AKT2: variants seen among roughly 807,000 people sequenced by gnomAD.
AKT2 encodes RAC-beta serine/threonine-protein kinase.
Under a neutral mutation model 58.6 loss-of-function variants are expected in AKT2, and 16 were observed. The ratio of observed to expected loss-of-function variants is 0.27; its 90% CI spans 0.18 to 0.41. The LOEUF (loss-of-function observed/expected upper bound fraction) is 0.41. Among genes scored for constraint, AKT2 ranks in the 10% least tolerant of loss-of-function variants. The pLI is 1.00. For synonymous variants in AKT2, 253 were observed against 254.0 expected, an observed-to-expected ratio of 1.00 and a Z score of 0.04; for missense variants, 438 against 661.0, an observed-to-expected ratio of 0.66 and a Z score of 3.70.
Position 40,235,332 on chromosome 19 carries a change from G to A in AKT2, c.1194C>T (p.Ser398=), listed in dbSNP as rs761556498. Residue 398 remains serine, a synonymous_variant, in exon 12 of 14, where the codon AGC becomes AGT. Coordinates refer to ENST00000392038, the MANE Select transcript of AKT2 (RefSeq NM_001626.6). The surrounding 1 kb of genome is among the most constrained non-coding windows in gnomAD (Gnocchi z 6.3). ...DPKQRLGGGP[S]DAKEVMEHRF... ...TGTGCTCCATGACCTCCTTGGCATCGCTGGGCCCCCCACCAAGCCTGTGCA... is the reference window on the plus strand; with the variant it reads ...TGTGCTCCATGACCTCCTTGGCATCACTGGGCCCCCCACCAAGCCTGTGCA... 1.4e-5 allele frequency: 23 copies of A among 1,613,710 alleles called. No homozygotes were observed. Among genetic ancestry groups the A allele is most frequent in the South Asian group, 3.3e-5 (3 of 91,072 alleles).
In AKT2 at chr19:40,242,162, A is replaced by C; in HGVS notation, c.442-93T>G. On this transcript the variant is annotated intron_variant, in intron 5 of 13. Transcript: ENST00000392038. This position sits in a 1 kb window ranked among gnomAD's most constrained non-coding sequence, Gnocchi z 4.3. ...AAAAGAAAGAGGAAAACCAAAAGAC[A>C]CTGTTGCCAAACGGCTTAGGCTGGA... The C allele has an allele frequency of 6.4e-7, 1 of 1,558,932 alleles. No individual in the cohort carries two copies. The highest frequency in any genetic ancestry group is 1.1e-5 in the South Asian group (1 of 89,128).
chr19:40,253,978 T>C (rs1233195351), intron 4 of AKT2, among the ~76,000 whole-genome samples: 1 of 149,350 alleles, frequency 6.7e-6, no homozygotes, highest in Non-Finnish European at 1.5e-5. Flanking sequence ...CTACCTTTTG[T>C]ATTTAAAAAA....
At chr19:40,275,727 G>A (rs893325491) in intron 1 of AKT2, among the ~76,000 whole-genome samples, 17 of 135,902 alleles carry the variant, frequency 1.3e-4, no homozygotes, top group Admixed American at 2.5e-4. Context: ...GTCCGGGCAC[G>A]ATGACTCACG....
chr19:40,271,541 A>C (rs2077217150), intron 1 of AKT2, among the ~76,000 whole-genome samples: 1 of 152,066 alleles, frequency 6.6e-6, no homozygotes, highest in Non-Finnish European at 1.5e-5. Context: ...GACGTGAGGG[A>C]ACCAACTCCC....
chr19:40,231,786 A>G lies in AKT2; in HGVS notation c.*2086T>C, dbSNP rs1347636995. 1 of 233,684 alleles carries G rather than the reference A, an allele frequency of 4.3e-6. No individual in the cohort carries two copies. The highest frequency in any genetic ancestry group is 8.4e-6 in the Non-Finnish European group (1 of 118,472). 14.5% of individuals were successfully genotyped at this position (233,684 alleles called of 1,614,324 possible). A position where few individuals can be genotyped will look rare whatever the true frequency, so the allele number is the denominator to read the frequency against. Reference sequence around the variant, plus strand: ...TAGGGGAGGGCTGACCCCAAGCTGAACAGGGTTCTAACCAAACGCTCAGGA... The same window carrying G: ...TAGGGGAGGGCTGACCCCAAGCTGAGCAGGGTTCTAACCAAACGCTCAGGA... On this transcript the variant is annotated 3_prime_UTR_variant, in exon 14 of 14. Transcript: ENST00000392038.
chr19:40,271,201 A>G (rs1302646136), intron 1 of AKT2, among the ~76,000 whole-genome samples: 1 of 134,826 alleles, frequency 7.4e-6, no homozygotes. Context: ...ACATACGTAC[A>G]TACATACATA....
At chr19:40,272,181 T>C (rs1328221095) in intron 1 of AKT2, among the ~76,000 whole-genome samples, 4 of 152,180 alleles carry the variant, frequency 2.6e-5, no homozygotes, top group Admixed American at 1.3e-4. Context: ...CCCTATGACT[T>C]CATCTCAGGA....
intron 4 of AKT2, among the ~76,000 whole-genome samples, chr19:40,249,317 A>G (rs1974975628): frequency 6.6e-6 from 1 of 152,172 alleles, no homozygotes; most frequent in Non-Finnish European, 1.5e-5. Context: ...GACAGAGGTA[A>G]GAAAGGTACC....
intron 2 of AKT2, among the ~76,000 whole-genome samples, chr19:40,259,555 C>T (rs1975790681): frequency 6.6e-6 from 1 of 152,118 alleles, no homozygotes; most frequent in Admixed American, 6.5e-5. Flanking sequence ...ACCAAATGCA[C>T]AAGCAACAAA....
At chr19:40,266,867 C>T (rs1474507649) in intron 1 of AKT2, among the ~76,000 whole-genome samples, 1 of 152,202 alleles carries the variant, frequency 6.6e-6, no homozygotes, top group Non-Finnish European at 1.5e-5. Context: ...CTATTCGAGA[C>T]AGGAGGATCA....
At position 40,232,456 on chromosome 19, in the gene AKT2, C is replaced by T. The variant is rs575323266; in HGVS notation, c.*1416G>A. 13 of 233,578 alleles carry T rather than the reference C, an allele frequency of 5.6e-5. No individual in the cohort carries two copies. Among genetic ancestry groups the T allele is most frequent in the African/African-American group, 2.6e-4 (12 of 45,374 alleles). The allele number at this position is 233,578 out of a possible 1,614,324, so 14.5% of individuals were successfully genotyped here. On this transcript the variant is annotated 3_prime_UTR_variant, in exon 14 of 14. Coordinates refer to ENST00000392038, the MANE Select transcript of AKT2 (RefSeq NM_001626.6). ...CAGAGGAAAAAGACCCTCACCCACC[C>T]GAACCAACCCCACCCCTCCCCACCC...
intron 4 of AKT2, among the ~76,000 whole-genome samples, chr19:40,250,031 C>G (rs1975032118): frequency 6.6e-6 from 1 of 152,132 alleles, no homozygotes; most frequent in Non-Finnish European, 1.5e-5. Flanking sequence ...ATGTGCTAGG[C>G]ATGTTTAAGG....
intron 2 of AKT2, among the ~76,000 whole-genome samples, chr19:40,261,510 G>A (rs1975947381): frequency 6.7e-6 from 1 of 149,894 alleles, no homozygotes; most frequent in Non-Finnish European, 1.5e-5. Context: ...TCCAGCCTGG[G>A]CGACAGAGCA....
chr19:40,271,177 C>CA (rs1263882304), intron 1 of AKT2, among the ~76,000 whole-genome samples: 5,135 of 82,570 alleles, frequency 0.062, 285 homozygotes, highest in African/African-American at 0.19. Flanking sequence ...CTGTGTCTGC[C>CA]AAAAAAAAAA....
chr19:40,254,239 G>A (rs1394147690), intron 4 of AKT2, among the ~76,000 whole-genome samples: 1 of 152,204 alleles, frequency 6.6e-6, no homozygotes, highest in African/African-American at 2.4e-5. Context: ...TGCTCATTAA[G>A]AATGTAGGTC....
chr19:40,278,674 T>A (rs1236783569), intron 1 of AKT2, among the ~76,000 whole-genome samples: 1 of 151,926 alleles, frequency 6.6e-6, no homozygotes, highest in African/African-American at 2.4e-5. Flanking sequence ...GCCCCTTCTG[T>A]GCTCTCAGGT....
At position 40,232,102 on chromosome 19, in the gene AKT2, C is replaced by T. The variant is rs985384093; in HGVS notation, c.*1770G>A. 8 of 233,634 alleles carry T rather than the reference C, an allele frequency of 3.4e-5. No homozygotes were observed. Among genetic ancestry groups the T allele is most frequent in the Non-Finnish European group, 5.9e-5 (7 of 118,404 alleles). The allele number at this position is 233,634 out of a possible 1,614,324, so 14.5% of individuals were successfully genotyped here. On this transcript the variant is annotated 3_prime_UTR_variant, in exon 14 of 14. Transcript: ENST00000392038. ...CCTGGAGTGGTCTCTGTCCACCCCACCCCCACATGCGGGGAGCCTTCCCAT... is the reference window on the plus strand; with the variant it reads ...CCTGGAGTGGTCTCTGTCCACCCCATCCCCACATGCGGGGAGCCTTCCCAT...
chr19:40,261,630 A>C (rs1975962187), intron 2 of AKT2, among the ~76,000 whole-genome samples: 1 of 152,000 alleles, frequency 6.6e-6, no homozygotes, highest in South Asian at 2.1e-4. Flanking sequence ...GCCAACCCTG[A>C]ATCTCGGACT....
At position 40,236,399 on chromosome 19, in the gene AKT2, C is replaced by A. The variant is rs1200385049; in HGVS notation, c.832-14G>T. ...GAGGTTTTCCAGCTGTTGGAAAAGT[C>A]AACGGATCTCAGGTGCATGCTCCCA... is the stretch of plus-strand genomic sequence containing the variant. On this transcript the variant is annotated splice_polypyrimidine_tract_variant and intron_variant, in intron 9 of 13. Coordinates refer to ENST00000392038, the MANE Select transcript of AKT2 (RefSeq NM_001626.6). The A allele has an allele frequency of 3.7e-6, 6 of 1,614,052 alleles. No homozygotes were observed. Among genetic ancestry groups the A allele is most frequent in the Non-Finnish European group, 5.1e-6 (6 of 1,180,026 alleles).
Sources: gnomAD v4.1 joint callset for allele counts (sites outside exome capture counted in the v4.1 genomes callset) on GRCh38, gnomAD v4.1.1 for gene constraint, Gnocchi (gnomAD v3.1) non-coding constraint, MANE v1.5 for transcripts, NCBI Gene and HGNC (gene_info 2026-07-23, HGNC 2026-07-21) for gene names.